Variants in RBMS1 observed in about 807,000 individuals in gnomAD.
The protein encoded by RBMS1 is RNA binding motif single stranded interacting protein 1, also known as RNA-binding motif, single-stranded-interacting protein 1.
RBMS1 carries 17 observed loss-of-function variants against 62.3 expected under a neutral mutation model. That is an observed-to-expected ratio of 0.27 (90% CI 0.19 to 0.41). RBMS1 has a LOEUF of 0.41. RBMS1 is among the 10% of genes least tolerant of loss of function. The pLI is 1.00. For missense variants in RBMS1, 334 were observed against 504.5 expected, an observed-to-expected ratio of 0.66 and a Z score of 3.24; for synonymous variants, 172 against 170.0, an observed-to-expected ratio of 1.01 and a Z score of -0.09.
intron 4 of RBMS1, among the ~76,000 whole-genome samples, chr2:160,311,232 C>CTATCTATATATA (rs1381483574): frequency 1.5e-4 from 12 of 79,256 alleles, no homozygotes; most frequent in East Asian, 6.4e-4. Flanking sequence ...ATCTATCTAT[C>CTATCTATATATA]TATATATATA....
intron 1 of RBMS1, among the ~76,000 whole-genome samples, chr2:160,430,925 G>A (rs1682868248): frequency 6.6e-6 from 1 of 151,554 alleles, no homozygotes; most frequent in African/African-American, 2.4e-5. Context: ...CTTAGCACCA[G>A]GTCCTTTGCA....
chr2:160,386,351 C>T (rs1171172784), intron 1 of RBMS1, among the ~76,000 whole-genome samples: 1 of 152,170 alleles, frequency 6.6e-6, no homozygotes. Flanking sequence ...GCCTGACCAA[C>T]ACAGTGAAAC....
chr2:160,324,882 G>GTGTATATATA (rs1206910746), intron 2 of RBMS1, among the ~76,000 whole-genome samples: 106 of 100,002 alleles, frequency 1.1e-3, no homozygotes, highest in Admixed American at 1.4e-3. Flanking sequence ...GTGTGTGTGT[G>GTGTATATATA]TATATATATA....
At chr2:160,452,482 A>G (rs1478611757) in intron 1 of RBMS1, among the ~76,000 whole-genome samples, 1 of 152,198 alleles carries the variant, frequency 6.6e-6, no homozygotes, top group Non-Finnish European at 1.5e-5. Flanking sequence ...TACAACATAA[A>G]TGCTATGTAA....
chr2:160,493,053 T>C (rs1340487470), intron 1 of RBMS1: 2 of 496,558 alleles, frequency 4.0e-6, no homozygotes, highest in African/African-American at 4.1e-5. Context: ...CTCTTTCCTG[T>C]CTAGTCTCTC....
At chr2:160,456,954 AAC>A (rs767580788) in intron 1 of RBMS1, among the ~76,000 whole-genome samples, 42 of 107,960 alleles carry the variant, frequency 3.9e-4, no homozygotes, top group Non-Finnish European at 7.2e-4. Flanking sequence ...AACAAACAAC[AAC>A]AAAAAACCTG....
At chr2:160,285,406 T>C (rs1044514412) in intron 7 of RBMS1, among the ~76,000 whole-genome samples, 1 of 152,200 alleles carries the variant, frequency 6.6e-6, no homozygotes, top group Non-Finnish European at 1.5e-5. Flanking sequence ...ATAAGCCACA[T>C]GCAGCTATTT....
intron 1 of RBMS1, among the ~76,000 whole-genome samples, chr2:160,486,613 G>A (rs1428273526): frequency 6.6e-6 from 1 of 152,154 alleles, no homozygotes; most frequent in East Asian, 1.9e-4. Context: ...GCCAAGTAGA[G>A]GACAACAGGA....
rs142790395 is a variant in RBMS1, at chr2:160,459,385, C to G, written c.75+33904G>C. ...ATTTAAAATGCTTTTACTTGATCCT[C>G]CATGATCTTTTTAATAGCGCAAATT... On this transcript the variant is annotated intron_variant, in intron 1 of 13. Transcript: ENST00000348849. 3.0e-3 allele frequency among the ~76,000 whole-genome samples: 454 copies of G among 152,240 alleles called. 6 individuals carry two copies. Among genetic ancestry groups the G allele is most frequent in the East Asian group, 0.013 (69 of 5,188 alleles).
intron 6 of RBMS1, among the ~76,000 whole-genome samples, chr2:160,295,980 G>A (rs913176766): frequency 3.3e-5 from 5 of 152,232 alleles, no homozygotes; most frequent in Admixed American, 6.5e-5. Context: ...GTGGTCACAA[G>A]TAGGTGGAAT....
At chr2:160,402,861 C>T (rs950238014) in intron 1 of RBMS1, among the ~76,000 whole-genome samples, 3 of 152,116 alleles carry the variant, frequency 2.0e-5, no homozygotes, top group African/African-American at 4.8e-5. Flanking sequence ...GTTTATACAT[C>T]CTTAAAATAT....
At chr2:160,277,628 A>T in intron 11 of RBMS1, 1 of 372,642 alleles carries the variant, frequency 2.7e-6, no homozygotes, top group Non-Finnish European at 4.9e-6. Context: ...AAGTGAAGAT[A>T]AAAAAAGTTT....
intron 1 of RBMS1, among the ~76,000 whole-genome samples, chr2:160,475,781 T>G (rs1465056581): frequency 6.6e-6 from 1 of 152,188 alleles, no homozygotes; most frequent in African/African-American, 2.4e-5. Context: ...TTTTTAAAAT[T>G]TAATTGCTTT....
chr2:160,465,606 T>C (rs953550172), intron 1 of RBMS1, among the ~76,000 whole-genome samples: 2 of 152,146 alleles, frequency 1.3e-5, no homozygotes, highest in Middle Eastern at 3.4e-3. Flanking sequence ...AACCCCAGCA[T>C]TGAATCATTA....
intron 1 of RBMS1, among the ~76,000 whole-genome samples, chr2:160,437,618 C>T (rs1008575035): frequency 2.0e-5 from 3 of 152,210 alleles, no homozygotes; most frequent in South Asian, 4.1e-4. Context: ...TATGTGAATA[C>T]GACACTTCGT....
chr2:160,333,327 TA>T (rs1309516380), intron 2 of RBMS1, among the ~76,000 whole-genome samples: 2 of 152,194 alleles, frequency 1.3e-5, no homozygotes, highest in African/African-American at 4.8e-5. Context: ...GGAGGTACAA[TA>T]AATGATACAG....
intron 2 of RBMS1, among the ~76,000 whole-genome samples, chr2:160,338,343 C>T (rs1691688962): frequency 1.3e-5 from 2 of 152,242 alleles, no homozygotes; most frequent in South Asian, 2.1e-4. Context: ...GGAGTGTCCA[C>T]CACCCAATGA....
At chr2:160,421,323 G>A (rs1429360830) in intron 1 of RBMS1, among the ~76,000 whole-genome samples, 1 of 151,482 alleles carries the variant, frequency 6.6e-6, no homozygotes, top group Non-Finnish European at 1.5e-5. Flanking sequence ...ACAGGCCCCG[G>A]TGTGTGATGT....
At chr2:160,453,949 C>T (rs888116919) in intron 1 of RBMS1, among the ~76,000 whole-genome samples, 13 of 152,178 alleles carry the variant, frequency 8.5e-5, no homozygotes, top group African/African-American at 3.1e-4. Flanking sequence ...TTCACTCCTC[C>T]TTCCCAACCC....
Sources: allele counts gnomAD v4.1 joint callset (sites outside exome capture counted in the v4.1 genomes callset), GRCh38; gene constraint gnomAD v4.1.1; transcripts MANE v1.5; gene names NCBI Gene and HGNC (gene_info 2026-07-23, HGNC 2026-07-21).